The following ENKUR variants were observed in gnomAD, a reference collection of about 807,000 sequenced individuals.
ENKUR encodes enkurin, TRPC channel interacting protein.
A neutral mutation model predicts 27.6 loss-of-function variants in ENKUR; 19 were observed. The ratio of observed to expected loss-of-function variants is 0.69; its 90% CI spans 0.48 to 1.01. ENKUR has a LOEUF of 1.01. ENKUR is among the 50% of genes least tolerant of loss of function. ENKUR has a pLI of 0.00. For synonymous variants in ENKUR, 117 were observed against 96.9 expected (o/e 1.21, Z -1.22); for missense variants, 312 against 310.5 (o/e 1.00, Z -0.04).
intron 2 of ENKUR, chr10:25,025,623 C>T (rs1850835317): frequency 4.7e-6 from 3 of 643,404 alleles, no homozygotes; most frequent in East Asian, 5.6e-5. Context: ...CATGTCACCT[C>T]CTCAGATCTT....
At chr10:25,029,530 T>A (rs903901526) in intron 2 of ENKUR, among the ~76,000 whole-genome samples, 4 of 149,340 alleles carry the variant, frequency 2.7e-5, no homozygotes, top group Admixed American at 6.8e-5. Context: ...CCTTTTGTAA[T>A]TCAGACTACG....
intron 2 of ENKUR, among the ~76,000 whole-genome samples, chr10:25,043,965 T>C: frequency 6.6e-6 from 1 of 152,020 alleles, no homozygotes; most frequent in East Asian, 1.9e-4. Flanking sequence ...TGAATATCCA[T>C]ACCCATTGCA....
intron 2 of ENKUR, among the ~76,000 whole-genome samples, chr10:25,040,371 A>ATT (rs370808163): frequency 0.15 from 20,026 of 133,704 alleles, 1,759 homozygotes; most frequent in South Asian, 0.22. Flanking sequence ...ATTAAATGGG[A>ATT]TTTTTTTTTT....
intron 1 of ENKUR, among the ~76,000 whole-genome samples, chr10:25,001,358 T>C (rs1850185917): frequency 6.6e-6 from 1 of 151,996 alleles, no homozygotes; most frequent in Non-Finnish European, 1.5e-5. Flanking sequence ...TTGATGGTAA[T>C]GTCTCTTGGT....
intron 1 of ENKUR, 94 bp downstream of exon 1, chr10:25,015,762 TTTTA>T (rs1384015263): frequency 1.4e-5 from 16 of 1,140,084 alleles, no homozygotes; most frequent in African/African-American, 4.8e-5. Context: ...CAAAAATACA[TTTTA>T]TTTATTATTA....
chr10:25,012,004 T>C (rs1358621245), intron 1 of ENKUR, among the ~76,000 whole-genome samples: 1 of 152,206 alleles, frequency 6.6e-6, no homozygotes. Context: ...CTTGCTGCTT[T>C]GTGCAATCTT....
At chr10:25,057,520 G>A (rs146787763) in intron 2 of ENKUR, among the ~76,000 whole-genome samples, 13 of 152,060 alleles carry the variant, frequency 8.5e-5, no homozygotes, top group African/African-American at 2.9e-4. Flanking sequence ...ATTGAAAAGT[G>A]ATAACATTTT....
At chr10:24,991,584 G>C (rs1849930118) in intron 3 of ENKUR, among the ~76,000 whole-genome samples, 1 of 152,170 alleles carries the variant, frequency 6.6e-6, no homozygotes, top group South Asian at 2.1e-4. Context: ...GGCCGGGGTG[G>C]TGGGAGGAGA....
chr10:25,021,769 G>A (rs184289561), intron 2 of ENKUR: 68 of 152,214 alleles, frequency 4.5e-4, no homozygotes, highest in African/African-American at 1.5e-3. Context: ...GATCGGTTTT[G>A]CCTCAGAGTC....
intron 2 of ENKUR, chr10:25,025,588 ATCTC>A: frequency 2.3e-6 from 2 of 870,340 alleles, no homozygotes; most frequent in Non-Finnish European, 3.5e-6. Context: ...CAAAAGTCTG[ATCTC>A]TAGGGCTGAC....
exon 2 of ENKUR, chr10:25,061,311 C>T (rs577677903): frequency 3.1e-6 from 2 of 640,388 alleles, no homozygotes; most frequent in African/African-American, 1.8e-5. Flanking sequence ...TTGTGCCGCT[C>T]CTCCAGCCGC....
chr10:25,059,207 A>C (rs1207879384), intron 2 of ENKUR, among the ~76,000 whole-genome samples: 1 of 143,362 alleles, frequency 7.0e-6, no homozygotes, highest in Non-Finnish European at 1.5e-5. Flanking sequence ...ATCTCTGGTC[A>C]CTGCAACCTC....
At chr10:24,988,297 T>C (rs1417585573) in intron 4 of ENKUR, among the ~76,000 whole-genome samples, 2 of 145,856 alleles carry the variant, frequency 1.4e-5, no homozygotes, top group African/African-American at 2.5e-5. Flanking sequence ...TTTATATATG[T>C]ATATATATTT....
At chr10:25,059,029 A>T (rs1204044312) in intron 2 of ENKUR, among the ~76,000 whole-genome samples, 1 of 111,364 alleles carries the variant, frequency 9.0e-6, no homozygotes, top group Non-Finnish European at 1.9e-5. Flanking sequence ...TTCCCTCCCC[A>T]CCCACCCAAC....
chr10:24,986,459 G>C (rs1431581325), intron 4 of ENKUR, among the ~76,000 whole-genome samples: 1 of 152,206 alleles, frequency 6.6e-6, no homozygotes, highest in Non-Finnish European at 1.5e-5. Context: ...TGTATGCGAT[G>C]TATTCCAAAA....
Position 25,059,537 on chromosome 10 carries a change from C to A in ENKUR, c.37+1575G>T, listed in dbSNP as rs555711392. 3.7e-4 allele frequency among the ~76,000 whole-genome samples: 56 copies of A among 152,322 alleles called. No homozygotes were observed. The South Asian group carries it at 6.2e-3, about 17-fold the overall frequency. ...ACAAACATCAAGGCAGCTTTCAACA[C>A]CTCCATGAGGGAGCAGACCCACCCA... On this transcript the variant is annotated intron_variant, in intron 2 of 5. Transcript: ENST00000615958.
intron 2 of ENKUR, among the ~76,000 whole-genome samples, chr10:25,029,947 G>C (rs575038936): frequency 6.6e-5 from 10 of 152,198 alleles, no homozygotes; most frequent in Non-Finnish European, 1.2e-4. Flanking sequence ...AGTCACATTA[G>C]CTGCTTTTCT....
chr10:25,045,089 A>G (rs1183993553), intron 2 of ENKUR, among the ~76,000 whole-genome samples: 1 of 152,198 alleles, frequency 6.6e-6, no homozygotes, highest in South Asian at 2.1e-4. Context: ...TAGTTGCCCT[A>G]TTTCAAGGGT....
chr10:25,056,002 A>T (rs1255263223), intron 2 of ENKUR, among the ~76,000 whole-genome samples: 1 of 152,166 alleles, frequency 6.6e-6, no homozygotes, highest in African/African-American at 2.4e-5. Flanking sequence ...TATCATTGTC[A>T]TGATCATCAC....
Sources: gnomAD v4.1 joint callset for allele counts (sites outside exome capture counted in the v4.1 genomes callset) on GRCh38, gnomAD v4.1.1 for gene constraint, MANE v1.5 for transcripts, NCBI Gene and HGNC (gene_info 2026-07-23, HGNC 2026-07-21) for gene names.